Variants in LINGO2 observed in about 807,000 individuals in gnomAD.
LINGO2 encodes leucine rich repeat and Ig domain containing 2, also known as leucine-rich repeat and immunoglobulin-like domain-containing nogo receptor-interacting protein 2.
LINGO2 carries 14 observed loss-of-function variants against 30.6 expected under a neutral mutation model. The ratio of observed to expected loss-of-function variants is 0.46; its 90% CI spans 0.30 to 0.72. The LOEUF is 0.72. Among genes scored for constraint, LINGO2 ranks in the 30% least tolerant of loss-of-function variants. The pLI is 0.07. For missense variants in LINGO2, 729 were observed against 751.7 expected, an observed-to-expected ratio of 0.97 and a Z score of 0.35; for synonymous variants, 317 against 288.5, an observed-to-expected ratio of 1.10 and a Z score of -1.00.
At chr9:28,713,762 C>G in the LINGO2 span, among the ~76,000 whole-genome samples, 2 of 152,084 alleles carry the variant, frequency 1.3e-5, no homozygotes, top group Non-Finnish European at 1.5e-5. Flanking sequence ...GAAAGCTTAA[C>G]AAAATTCATA....
At chr9:29,075,009 T>A in the LINGO2 span, among the ~76,000 whole-genome samples, 5 of 152,084 alleles carry the variant, frequency 3.3e-5, no homozygotes, top group African/African-American at 7.2e-5. Flanking sequence ...TTCATTATCA[T>A]ATTCATAAAT....
chr9:28,584,390 G>T (rs944610655), intron 1 of LINGO2, among the ~76,000 whole-genome samples: 5 of 151,910 alleles, frequency 3.3e-5, no homozygotes, highest in Non-Finnish European at 5.9e-5. Flanking sequence ...AAACAAAAAT[G>T]CCCCCCAAAT....
chr9:28,505,758 A>C (rs746264423), intron 1 of LINGO2, among the ~76,000 whole-genome samples: 3 of 151,902 alleles, frequency 2.0e-5, no homozygotes, highest in Non-Finnish European at 2.9e-5. Context: ...TCATTAGTGA[A>C]AATCAGTCTA....
chr9:28,838,307 G>T, the LINGO2 span, among the ~76,000 whole-genome samples: 1 of 152,082 alleles, frequency 6.6e-6, no homozygotes, highest in Non-Finnish European at 1.5e-5. Flanking sequence ...TTCATTATTT[G>T]TCTGGCTTTA....
intron 1 of LINGO2, among the ~76,000 whole-genome samples, chr9:28,499,432 C>A (rs1819797014): frequency 2.0e-5 from 3 of 152,184 alleles, no homozygotes; most frequent in Non-Finnish European, 4.4e-5. Context: ...TAGCCTTTGG[C>A]CCTAAGTAAA....
Position 28,083,633 on chromosome 9 carries a change from G to C in LINGO2, c.-86-71228C>G, listed in dbSNP as rs963602228. 3.3e-5 allele frequency among the ~76,000 whole-genome samples: 5 copies of C among 152,218 alleles called. No individual in the cohort carries two copies. In the South Asian group the frequency reaches 6.2e-4, roughly 19 times the overall value. ...TTCAATAAAATACCACATGTGAAAT[G>C]CCAAGCATAATGCCTGGTACAGAGT... On this transcript the variant is annotated intron_variant, in intron 4 of 5. Transcript: ENST00000379992.
At chr9:27,981,551 G>GAAAAAAAAAAAAAAAAAAAAAAAAAAAA (rs1279785343) in intron 5 of LINGO2, among the ~76,000 whole-genome samples, 2 of 87,142 alleles carry the variant, frequency 2.3e-5, no homozygotes, top group African/African-American at 8.4e-5. Flanking sequence ...AAAAAAAAAA[G>GAAAAAAAAAAAAAAAAAAAAAAAAAAAA]AAAAAAAAGA....
At chr9:28,667,435 C>T (rs987581807) in intron 1 of LINGO2, among the ~76,000 whole-genome samples, 1 of 151,874 alleles carries the variant, frequency 6.6e-6, no homozygotes, top group Non-Finnish European at 1.5e-5. Flanking sequence ...ACAAGTCATA[C>T]CTAATCCTCT....
intron 1 of LINGO2, among the ~76,000 whole-genome samples, chr9:28,625,315 T>G (rs566717416): frequency 1.3e-5 from 2 of 152,136 alleles, no homozygotes; most frequent in African/African-American, 4.8e-5. Flanking sequence ...CTCTCCCAAG[T>G]GCACAGATTC....
intron 4 of LINGO2, among the ~76,000 whole-genome samples, chr9:28,227,401 C>T (rs1843787692): frequency 6.6e-6 from 1 of 152,040 alleles, no homozygotes; most frequent in African/African-American, 2.4e-5. Flanking sequence ...CTAATTTTTT[C>T]ATCCCATCTG....
chr9:28,024,295 A>T (rs1823273043), intron 4 of LINGO2, among the ~76,000 whole-genome samples: 2 of 152,216 alleles, frequency 1.3e-5, no homozygotes, highest in African/African-American at 4.8e-5. Flanking sequence ...AGGCAAAAAG[A>T]GGGTGGCATC....
At chr9:28,633,096 C>T (rs929302231) in intron 1 of LINGO2, among the ~76,000 whole-genome samples, 1 of 151,328 alleles carries the variant, frequency 6.6e-6, no homozygotes, top group African/African-American at 2.4e-5. Context: ...GAGGCTAGGC[C>T]CATCTCTCTC....
chr9:28,637,196 C>G (rs1827323046), intron 1 of LINGO2, among the ~76,000 whole-genome samples: 1 of 152,082 alleles, frequency 6.6e-6, no homozygotes, highest in East Asian at 1.9e-4. Context: ...TGTTTTGGTA[C>G]CAGTACCATC....
intron 5 of LINGO2, among the ~76,000 whole-genome samples, chr9:28,005,289 G>A (rs560503104): frequency 1.3e-5 from 2 of 152,290 alleles, no homozygotes; most frequent in Admixed American, 1.3e-4. Flanking sequence ...AAGACCATGT[G>A]TAGCTGTTTT....
rs151122303 is a variant in LINGO2, at chr9:28,397,182, G to A, written c.-278-24314C>T. Among the ~76,000 whole-genome samples, 259 of 152,042 alleles carry A rather than the reference G, an allele frequency of 1.7e-3. 1 individual carries two copies. Among genetic ancestry groups the A allele is most frequent in the Middle Eastern group, 0.01 (3 of 290 alleles). On this transcript the variant is annotated intron_variant, in intron 2 of 5. Coordinates refer to ENST00000379992, the Ensembl canonical transcript of LINGO2. ...GGCATGTAATGAGTCTTGATAATATGTATAACTCCTACTAACTCCTATGAA... is the reference window on the plus strand; with the variant it reads ...GGCATGTAATGAGTCTTGATAATATATATAACTCCTACTAACTCCTATGAA...
At chr9:28,789,664 A>C in the LINGO2 span, among the ~76,000 whole-genome samples, 2 of 152,224 alleles carry the variant, frequency 1.3e-5, no homozygotes, top group South Asian at 4.1e-4. Context: ...TATTGAGGAA[A>C]ATAAAAGACA....
intron 3 of LINGO2, among the ~76,000 whole-genome samples, chr9:28,311,848 A>C (rs1824634868): frequency 6.6e-6 from 1 of 152,356 alleles, no homozygotes; most frequent in East Asian, 1.9e-4. Context: ...AAAGACAGGC[A>C]TAGGAAATCA....
At chr9:29,193,456 T>A in the LINGO2 span, among the ~76,000 whole-genome samples, 1 of 152,202 alleles carries the variant, frequency 6.6e-6, no homozygotes, top group African/African-American at 2.4e-5. Flanking sequence ...GTACCTGGCA[T>A]CCTCTATTCC....
At chr9:29,155,838 C>T in the LINGO2 span, among the ~76,000 whole-genome samples, 1 of 151,800 alleles carries the variant, frequency 6.6e-6, no homozygotes, top group Non-Finnish European at 1.5e-5. Flanking sequence ...CTTACAGTGC[C>T]ATCTCAAGAA....
Sources: allele counts gnomAD v4.1 joint callset (sites outside exome capture counted in the v4.1 genomes callset), GRCh38; gene constraint gnomAD v4.1.1; transcripts MANE v1.5; gene names NCBI Gene and HGNC (gene_info 2026-07-23, HGNC 2026-07-21).